Variants in LIG3 observed in about 807,000 individuals in gnomAD.
The protein encoded by LIG3 is DNA ligase 3, also known as ligase II, DNA, ATP-dependent.
Under a neutral mutation model 110.9 loss-of-function variants are expected in LIG3, and 58 were observed. The ratio of observed to expected loss-of-function variants is 0.52; its 90% CI spans 0.42 to 0.65. LIG3 has a LOEUF of 0.65. Among genes scored for constraint, LIG3 ranks in the 30% least tolerant of loss-of-function variants. The probability of loss-of-function intolerance (pLI) is 0.00; values close to 1 mark genes in which losing one functional copy is unlikely to be tolerated. For missense variants in LIG3, 1,094 were observed against 1,273.8 expected, an observed-to-expected ratio of 0.86 and a Z score of 2.15; for synonymous variants, 422 against 472.8, an observed-to-expected ratio of 0.89 and a Z score of 1.39.
At position 34,998,676 on chromosome 17, in the gene LIG3, G is replaced by A. The variant is rs767334598; in HGVS notation, c.2062G>A (p.Asp688Asn). ...KDYLNEGAMADTADLVVLGAF... is the reference protein window; with the variant it reads ...KDYLNEGAMANTADLVVLGAF... The stretch of plus-strand genomic sequence containing the variant: ...CTATTTGAACGAGGGGGCCATGGCC[G>A]ACACAGCTGACCTGGTGGTCCTTGG... The change falls in exon 14 of 20, where the codon GAC becomes AAC. Residue 688 changes from aspartate (D) to asparagine (N), a missense_variant. Transcript: ENST00000378526. The A allele has an allele frequency of 3.7e-6, 6 of 1,614,020 alleles. No individual in the cohort carries two copies. Among genetic ancestry groups the A allele is most frequent in the East Asian group, 2.2e-5 (1 of 44,892 alleles).
intron 2 of LIG3, among the ~76,000 whole-genome samples, chr17:34,984,082 A>G (rs1010420157): frequency 1.3e-5 from 2 of 152,214 alleles, no homozygotes; most frequent in Non-Finnish European, 2.9e-5. Context: ...TGCGACTATA[A>G]TATAGCTATC....
intron 19 of LIG3, 126 bp downstream of exon 19, chr17:35,002,915 C>G: frequency 1.2e-6 from 2 of 1,603,422 alleles, no homozygotes; most frequent in Non-Finnish European, 1.7e-6. Flanking sequence ...TAAACCTCTT[C>G]CCTGCCTGCA....
At chr17:34,995,955 C>T in intron 9 of LIG3, 109 bp from the exon 10 acceptor site, 1 of 1,375,554 alleles carries the variant, frequency 7.3e-7, no homozygotes, top group Non-Finnish European at 9.9e-7. Context: ...GCTGGGCCTT[C>T]CACATGTTGT....
At position 35,002,079 on chromosome 17, in the gene LIG3, G is replaced by A; in HGVS notation, c.2649G>A (p.Lys883=). The stretch of plus-strand genomic sequence containing the variant: ...CCAGTACCAAGAAAGCAGAAGGGAA[G>A]CTGAGTAACTCCAACAGCAAAGATG... ...PSASTKKAEG[K]LSNSNSKDGN... is the part of the protein sequence containing the mutation. The change falls in exon 18 of 20, where the codon AAG becomes AAA. Residue 883 remains lysine, a synonymous_variant. Transcript: ENST00000378526. 1 of 1,592,776 alleles carries A rather than the reference G, an allele frequency of 6.3e-7. No homozygotes were observed.
intron 10 of LIG3, 79 bp from the exon 11 acceptor site, chr17:34,996,495 C>T: frequency 1.7e-6 from 2 of 1,177,498 alleles, no homozygotes; most frequent in Non-Finnish European, 2.5e-6. Flanking sequence ...AGGGGGCCTC[C>T]AGAAGTGGAC....
Position 35,004,514 on chromosome 17 carries a change from G to C in LIG3, c.*8G>C, listed in dbSNP as rs1257173893. 3 of 1,607,074 alleles carry C rather than the reference G, an allele frequency of 1.9e-6. No homozygotes were observed. The highest frequency in any genetic ancestry group is 2.6e-6 in the Non-Finnish European group (3 of 1,173,712). ...CTGGTAGCTCCCTGCTAGGTTTGCT[G>C]TCTTCCCTCTCCCTCAGGCCATACT... On this transcript the variant is annotated 3_prime_UTR_variant, in exon 20 of 20. Transcript: ENST00000378526.
chr17:34,998,339 G>C, intron 13 of LIG3, 43 bp downstream of exon 13: 1 of 1,547,322 alleles, frequency 6.5e-7, no homozygotes, highest in Non-Finnish European at 8.9e-7. Flanking sequence ...CTCACTCGCA[G>C]CCCTCTCCCC....
intron 2 of LIG3, 68 bp downstream of exon 2, chr17:34,983,620 GCTTT>G (rs2090627892): frequency 1.4e-6 from 2 of 1,399,840 alleles, no homozygotes; most frequent in Non-Finnish European, 1.9e-6. Flanking sequence ...GAGTTCAACT[GCTTT>G]CTTTCTCTTT....
rs1046949735 is a variant in LIG3 at position 34,980,534 on chromosome 17, A to G, written c.-93A>G. 224 of 1,284,976 alleles carry G rather than the reference A, an allele frequency of 1.7e-4. No homozygotes were observed. The highest frequency in any genetic ancestry group is 2.2e-4 in the Non-Finnish European group (215 of 986,052). 79.6% of individuals were successfully genotyped at this position (1,284,976 alleles called of 1,614,324 possible). ...CCCGCTCTAGGACCCGGATTTAAAGAGACAGGCGCTCCAACCGTCGTGGGC... is the reference window on the plus strand; with the variant it reads ...CCCGCTCTAGGACCCGGATTTAAAGGGACAGGCGCTCCAACCGTCGTGGGC... On this transcript the variant is annotated 5_prime_UTR_variant, in exon 1 of 20. Transcript: ENST00000378526.
chr17:35,009,279 A>G lies in LIG3; in HGVS notation c.*4773A>G, dbSNP rs1333645571. On this transcript the variant is annotated 3_prime_UTR_variant, in exon 20 of 20. Coordinates refer to ENST00000378526, the MANE Select transcript of LIG3 (RefSeq NM_013975.4). ...AGATTTCCACAAATTTATACAATGT[A>G]TATTGAGCACTAGTTCCTGTACAGC... is the stretch of plus-strand genomic sequence containing the variant. The G allele has an allele frequency of 2.0e-5, 3 of 152,524 alleles. No homozygotes were observed. The highest frequency in any genetic ancestry group is 2.9e-5 in the Non-Finnish European group (2 of 68,034). The allele number at this position is 152,524 out of a possible 1,614,324, so 9.4% of individuals were successfully genotyped here.
Position 34,980,535 on chromosome 17 carries a change from G to C in LIG3, c.-92G>C, listed in dbSNP as rs1160104268. ...CCGCTCTAGGACCCGGATTTAAAGA[G>C]ACAGGCGCTCCAACCGTCGTGGGCT... On this transcript the variant is annotated 5_prime_UTR_variant, in exon 1 of 20. Transcript: ENST00000378526. 7.8e-7 allele frequency: 1 copy of C among 1,285,692 alleles called. No homozygotes were observed. The highest frequency in any genetic ancestry group is 1.0e-6 in the Non-Finnish European group (1 of 986,510). The allele number at this position is 1,285,692 out of a possible 1,614,324, so 79.6% of individuals were successfully genotyped here.
chr17:34,997,904 G>A lies in LIG3; in HGVS notation c.1911+79G>A, dbSNP rs1366315864. The A allele has an allele frequency of 1.2e-5, 13 of 1,066,774 alleles. 1 individual carries two copies. Among genetic ancestry groups the A allele is most frequent in the East Asian group, 1.2e-4 (5 of 41,766 alleles). The allele number at this position is 1,066,774 out of a possible 1,614,324, so 66.1% of individuals were successfully genotyped here. On this transcript the variant is annotated intron_variant, in intron 12 of 19. Transcript: ENST00000378526. ...AGAACTCCTTGGGTCAACTGCGACTGGAAGAATAAATCTTAATGTCTTATG... is the reference window on the plus strand; with the variant it reads ...AGAACTCCTTGGGTCAACTGCGACTAGAAGAATAAATCTTAATGTCTTATG...
intron 19 of LIG3, chr17:35,004,071 A>G (rs2090873201): frequency 5.2e-6 from 3 of 573,290 alleles, no homozygotes; most frequent in Non-Finnish European, 9.4e-6. Flanking sequence ...CTTTTCCCCT[A>G]GGCAGGGATG....
chr17:34,994,325 G>A lies in LIG3; in HGVS notation c.1505G>A (p.Gly502Asp). ...VEYAMKKCPN[G>D]MFSEIKYDGE... is the part of the protein sequence containing the mutation. ...TATGCAATGAAGAAATGTCCCAATG[G>A]CATGTTCTCTGAGATCAAGTACGAT... The change falls in exon 9 of 20, where the codon GGC becomes GAC. Residue 502 changes from glycine to aspartate, a missense_variant. By Grantham distance (94) the Gly-to-Asp change is moderately conservative. Transcript: ENST00000378526. The A allele has an allele frequency of 6.2e-7, 1 of 1,614,064 alleles. No individual in the cohort carries two copies.
At chr17:35,009,748 C>T (rs1459730179), downstream of LIG3, 2 of 152,332 alleles carry the variant, frequency 1.3e-5, no homozygotes, top group Non-Finnish European at 2.9e-5. Flanking sequence ...CGATTTGTGT[C>T]TAGGAGGGAA....
At chr17:34,991,220 A>C in intron 5 of LIG3, 106 bp downstream of exon 5, 1 of 1,109,778 alleles carries the variant, frequency 9.0e-7, no homozygotes, top group East Asian at 2.4e-5. Context: ...ATACTGTTTT[A>C]GGAAACTGAA....
chr17:34,983,701 T>A (rs1597789054), intron 2 of LIG3, 149 bp downstream of exon 2: 3 of 812,928 alleles, frequency 3.7e-6, no homozygotes, highest in Non-Finnish European at 5.7e-6. Flanking sequence ...TAATGTTGCA[T>A]TCGTAGCTCA....
chr17:35,002,669 C>T lies in LIG3; in HGVS notation c.2676C>T (p.Gly892=), dbSNP rs150524160. The T allele has an allele frequency of 1.2e-6, 2 of 1,612,332 alleles. No individual in the cohort carries two copies. Among genetic ancestry groups the T allele is most frequent in the African/African-American group, 2.7e-5 (2 of 74,866 alleles). ...CCCAGCTTCCTCTCTGTCCTGCAGG[C>T]AACATGCAGACTGCAAAGCCTTCCG... is the stretch of plus-strand genomic sequence containing the variant. ...GKLSNSNSKD[G]NMQTAKPSAM... is the part of the protein sequence containing the mutation. The change falls in exon 19 of 20, where the codon GGC becomes GGT. Residue 892 remains glycine (G), a splice_region_variant and synonymous_variant. Transcript: ENST00000378526.
intron 19 of LIG3, chr17:35,002,998 C>G (rs753303003): frequency 9.3e-6 from 15 of 1,614,110 alleles, no homozygotes; most frequent in Middle Eastern, 1.7e-4. Context: ...CTTGCAGAGG[C>G]GGCCAGCCAG....
Sources: gnomAD v4.1 joint callset for allele counts (sites outside exome capture counted in the v4.1 genomes callset) on GRCh38, gnomAD v4.1.1 for gene constraint, MANE v1.5 for transcripts, NCBI Gene and HGNC (gene_info 2026-07-23, HGNC 2026-07-21) for gene names.